TTN: variants seen among roughly 807,000 people sequenced by gnomAD.
The protein encoded by TTN is connectin.
A neutral mutation model predicts 3,223.0 loss-of-function variants in TTN; 1,525 were observed. The ratio of observed to expected loss-of-function variants is 0.47; its 90% confidence interval spans 0.45 to 0.49. The LOEUF (loss-of-function observed/expected upper bound fraction) is 0.49, where lower values mean the gene tolerates loss of function less well. Ranked by LOEUF, TTN falls within the 20% of genes least tolerant of loss-of-function variation. The pLI is 0.00. For missense variants in TTN, 40,786 were observed against 43,424.0 expected (o/e 0.94, Z 5.40); for synonymous variants, 14,094 against 15,161.0 (o/e 0.93, Z 5.17).
chr2:178,679,461 A>G (rs1373689080), intron 141 of TTN, 45 bp from the exon 142 acceptor site: 6 of 1,601,896 alleles, frequency 3.7e-6, no homozygotes, highest in Non-Finnish European at 5.1e-6. Context: ...ACTAGTAACA[A>G]CACATCCATA....
Position 178,568,373 on chromosome 2 carries a change from C to T in TTN, c.77759G>A (p.Gly25920Asp). ...LSWNPPLYTG[G>D]CQITNYIVQK... ...AACAATGTAGTTGGTGATTTGGCAG[C>T]CCCCTGTATATAATGGAGGGTTCCA... Residue 25920 changes from glycine to aspartate, a missense_variant, in exon 326 of 363, where the codon GGC becomes GAC. Transcript: ENST00000589042. The T allele has an allele frequency of 6.2e-7, 1 of 1,613,250 alleles. No individual in the cohort carries two copies. The highest frequency in any genetic ancestry group is 8.5e-7 in the Non-Finnish European group (1 of 1,179,538).
chr2:178,778,638 G>C, intron 24 of TTN: 1 of 556,320 alleles, frequency 1.8e-6, no homozygotes, highest in South Asian at 2.1e-5. Flanking sequence ...AAGAGCTATT[G>C]TGATATTAGC....
chr2:178,556,259 G>A lies in TTN; in HGVS notation c.88306+589C>T, dbSNP rs139025543. On this transcript the variant is annotated intron_variant, in intron 330 of 362. Coordinates refer to ENST00000589042, the MANE Select transcript of TTN (RefSeq NM_001267550.2). ...TGCCTGGCCAACATGGTGAAACTCC[G>A]TCCCTACTAAAAATACAAAAAATTA... The A allele has an allele frequency of 1.8e-3, 280 of 154,786 alleles. 5 individuals are homozygous for A. The South Asian group carries it at 0.024, about 13-fold the overall frequency. 9.6% of individuals were successfully genotyped at this position (154,786 alleles called of 1,614,324 possible).
intron 65 of TTN, 38 bp from the exon 66 acceptor site, chr2:178,728,816 T>C (rs2079838511): frequency 3.2e-6 from 5 of 1,580,282 alleles, no homozygotes; most frequent in African/African-American, 1.4e-5. Context: ...GTTACATTGG[T>C]AACTCCACTA....
intron 209 of TTN, 146 bp downstream of exon 209, chr2:178,650,605 G>A: frequency 2.4e-6 from 2 of 843,844 alleles, no homozygotes; most frequent in East Asian, 2.7e-5. Flanking sequence ...TTTGAGATTG[G>A]AGCTAATTTA....
intron 6 of TTN, among the ~76,000 whole-genome samples, chr2:178,796,227 A>T (rs77903023): frequency 0.045 from 6,882 of 152,260 alleles, 289 homozygotes; most frequent in Admixed American, 0.14. Flanking sequence ...GAACTGATTT[A>T]ATTCTTAATA....
chr2:178,565,848 C>T lies in TTN; in HGVS notation c.80284G>A (p.Glu26762Lys). 1 of 1,613,652 alleles carries T rather than the reference C, an allele frequency of 6.2e-7. No individual in the cohort carries two copies. Among genetic ancestry groups the T allele is most frequent in the Non-Finnish European group, 8.5e-7 (1 of 1,179,650 alleles). ...IYYFRVMAEN[E>K]FGVGVPVETV... ...TCCACTGGAACACCAACTCCAAATT[C>T]ATTTTCAGCCATGACTCTGAAGTAA... Residue 26762 changes from glutamate to lysine, a missense_variant, in exon 326 of 363, where the codon GAA becomes AAA. Physicochemically the swap from Glu to Lys is moderately conservative, Grantham distance 56. Transcript: ENST00000589042.
Position 178,601,305 on chromosome 2 carries a change from A to T in TTN, c.55692T>A (p.Pro18564=), listed in dbSNP as rs200864020. ...CAGTGGTCCTCTGAATGGTTTCCACAGGTGGGCCAATACCAAAACGGTTTT... is the reference window on the plus strand; with the variant it reads ...CAGTGGTCCTCTGAATGGTTTCCACTGGTGGGCCAATACCAAAACGGTTTT... The part of the protein sequence containing the change: ...RAENRFGIGP[P]VETIQRTTAR... Residue 18564 remains proline (P), a synonymous_variant, in exon 287 of 363, where the codon CCT becomes CCA. Coordinates refer to ENST00000589042, the MANE Select transcript of TTN (RefSeq NM_001267550.2). 9.4e-6 allele frequency: 15 copies of T among 1,595,938 alleles called. No individual in the cohort carries two copies. Among genetic ancestry groups the T allele is most frequent in the Non-Finnish European group, 1.7e-6 (2 of 1,170,016 alleles).
At position 178,563,205 on chromosome 2, in the gene TTN, T is replaced by C. The variant is rs1457183253; in HGVS notation, c.82927A>G (p.Asn27643Asp). Residue 27643 changes from asparagine to aspartate, a missense_variant, in exon 326 of 363, where the codon AAC becomes GAC. Transcript: ENST00000589042. This position sits in a 1 kb window ranked among gnomAD's most constrained non-coding sequence, Gnocchi z 4.5. ...VTKLKENTEY[N>D]FRICAINSEG... ...GAATTGATGGCACAAATACGGAAGT[T>C]ATATTCAGTGTTTTCTTTAAGCTTG... 3.7e-6 allele frequency: 6 copies of C among 1,613,754 alleles called. No homozygotes were observed. In the South Asian group the frequency reaches 6.6e-5, roughly 18 times the overall value.
At chr2:178,709,513 A>G (rs899884428) in intron 99 of TTN, 53 bp downstream of exon 99, 1 of 1,548,906 alleles carries the variant, frequency 6.5e-7, no homozygotes, top group African/African-American at 1.4e-5. Flanking sequence ...TCATGGATAT[A>G]TAACAGGCAG....
In TTN at chr2:178,530,405, C is replaced by A. The variant is rs752846394; in HGVS notation, c.106210G>T (p.Val35404Leu). ...KSDQKTTEST[V>L]TRKTEPKAPE... ...GCTTTTGGTTCAGTTTTTCTGGTTACTGTTGACTCAGTGGTTTTCTGATCT... is the reference window on the plus strand; with the variant it reads ...GCTTTTGGTTCAGTTTTTCTGGTTAATGTTGACTCAGTGGTTTTCTGATCT... Residue 35404 changes from valine to leucine, a missense_variant, in exon 358 of 363, where the codon GTA (valine) becomes TTA (leucine). Val to Leu is a conservative substitution (Grantham distance 32). Transcript: ENST00000589042. 6.2e-7 allele frequency: 1 copy of A among 1,613,930 alleles called. No homozygotes were observed. The highest frequency in any genetic ancestry group is 1.1e-5 in the South Asian group (1 of 91,076).
rs768606900 is a variant in TTN at position 178,571,889 on chromosome 2, G to A, written c.74243C>T (p.Thr24748Ile). ...CAGTGGTACATTATCTTTATGCCAG[G>A]TTACAGCTGGGGTAGGGCGGCCAAT... ...PFIGRPTPAVTWHKDNVPLKQ... is the reference protein window; with the variant it reads ...PFIGRPTPAVIWHKDNVPLKQ... Residue 24748 changes from threonine to isoleucine, a missense_variant, in exon 326 of 363, where the codon ACC (threonine) becomes ATC (isoleucine). Thr to Ile is a moderately conservative substitution (Grantham distance 89). Coordinates refer to ENST00000589042, the MANE Select transcript of TTN (RefSeq NM_001267550.2). 5.6e-6 allele frequency: 9 copies of A among 1,613,264 alleles called. No individual in the cohort carries two copies. Among genetic ancestry groups the A allele is most frequent in the Non-Finnish European group, 7.6e-6 (9 of 1,179,588 alleles).
At chr2:178,626,136 C>A (rs73038308) in intron 240 of TTN, among the ~76,000 whole-genome samples, 2,516 of 152,020 alleles carry the variant, frequency 0.017, 75 homozygotes, top group African/African-American at 0.056. Flanking sequence ...TAAAAGTAAA[C>A]CTTATGTTCT....
Position 178,563,259 on chromosome 2 carries a change from C to T in TTN, c.82873G>A (p.Gly27625Arg). The change falls in exon 326 of 363, where the codon GGA becomes AGA. Residue 27625 changes from glycine to arginine, a missense_variant. Coordinates refer to ENST00000589042, the MANE Select transcript of TTN (RefSeq NM_001267550.2). The surrounding 1 kb of genome is among the most constrained non-coding windows in gnomAD (Gnocchi z 4.5). ...ACTGTGAACTGCTTTCCTTGTAATCCTGTTGGTGGAGTGCAGGTTGTCCAT... is the reference window on the plus strand; with the variant it reads ...ACTGTGAACTGCTTTCCTTGTAATCTTGTTGGTGGAGTGCAGGTTGTCCAT... ...DEWTTCTPPT[G>R]LQGKQFTVTK... The T allele has an allele frequency of 6.2e-7, 1 of 1,613,650 alleles. No homozygotes were observed. The highest frequency in any genetic ancestry group is 8.5e-7 in the Non-Finnish European group (1 of 1,179,702).
Position 178,592,471 on chromosome 2 carries a change from C to T in TTN, c.59534G>A (p.Arg19845His), listed in dbSNP as rs201457934. The change falls in exon 301 of 363, where the codon CGT (arginine) becomes CAT (histidine). Residue 19845 changes from arginine to histidine, a missense_variant. Physicochemically the swap from Arg to His is conservative, Grantham distance 29 (BLOSUM62 0). Coordinates refer to ENST00000589042, the MANE Select transcript of TTN (RefSeq NM_001267550.2). ...TCCACCATCTTCATGGGCAGCATTACGAATTTCAAGCTTGCTACCAACTGG... is the reference window on the plus strand; with the variant it reads ...TCCACCATCTTCATGGGCAGCATTATGAATTTCAAGCTTGCTACCAACTGG... ...VTPVGSKLEI[R>H]NAAHEDGGIY... The T allele has an allele frequency of 4.5e-5, 72 of 1,613,404 alleles. No individual in the cohort carries two copies. Among genetic ancestry groups the T allele is most frequent in the East Asian group, 6.7e-5 (3 of 44,796 alleles).
chr2:178,599,025 G>C lies in TTN; in HGVS notation c.56685C>G (p.Ser18895Arg). 6.3e-7 allele frequency: 1 copy of C among 1,590,468 alleles called. No homozygotes were observed. The highest frequency in any genetic ancestry group is 8.6e-7 in the Non-Finnish European group (1 of 1,167,758). The part of the protein sequence containing the change: ...PGAPDKPTVS[S>R]VTRNSMTVNW... Reference sequence around the variant, plus strand: ...TGACAGTCATGGAGTTACGAGTCACGCTGCTAACTGTTGGTTTATCTGGTG... The same window carrying C: ...TGACAGTCATGGAGTTACGAGTCACCCTGCTAACTGTTGGTTTATCTGGTG... Residue 18895 changes from serine to arginine, a missense_variant, in exon 291 of 363, where the codon AGC becomes AGG. By Grantham distance (110) the Ser-to-Arg change is moderately radical (BLOSUM62 -1). Transcript: ENST00000589042.
intron 123 of TTN, 47 bp downstream of exon 123, chr2:178,689,468 G>T: frequency 1.2e-6 from 2 of 1,601,598 alleles, no homozygotes; most frequent in Non-Finnish European, 1.7e-6. Flanking sequence ...CAATTAAAGA[G>T]GCTTGAAGGA....
chr2:178,631,146 C>G lies in TTN; in HGVS notation c.43902G>C (p.Lys14634Asn), dbSNP rs763794623. The change falls in exon 237 of 363, where the codon AAG becomes AAC. Residue 14634 changes from lysine (K) to asparagine (N), a missense_variant. Coordinates refer to ENST00000589042, the MANE Select transcript of TTN (RefSeq NM_001267550.2). ...EIKPSKNAVI[K>N]ADGKKRMLIL... ...TTAGCATGCGTTTCTTGCCATCTGC[C>G]TTAATAACAGCATTTTTGGATGGCT... 3 of 1,613,306 alleles carry G rather than the reference C, an allele frequency of 1.9e-6. No homozygotes were observed. Among genetic ancestry groups the G allele is most frequent in the Non-Finnish European group, 2.5e-6 (3 of 1,179,574 alleles).
Position 178,774,922 on chromosome 2 carries a change from T to G in TTN, c.6789A>C (p.Glu2263Asp). The change falls in exon 29 of 363, where the codon GAA becomes GAC. Residue 2263 changes from glutamate (E) to aspartate (D), a missense_variant and splice_region_variant. Glu to Asp is a conservative substitution (Grantham distance 45). Coordinates refer to ENST00000589042, the MANE Select transcript of TTN (RefSeq NM_001267550.2). Reference protein sequence around the residue: ...NVKTTAKLIVEGAVVEFVKEL... With the variant: ...NVKTTAKLIVDGAVVEFVKEL... ...ATGAAATCCTTCGTTGTTGAATACC[T>G]TCAACAATAAGTTTAGCAGTCGTTT... is the stretch of plus-strand genomic sequence containing the variant. The G allele has an allele frequency of 6.2e-7, 1 of 1,613,612 alleles. No individual in the cohort carries two copies. Among genetic ancestry groups the G allele is most frequent in the Non-Finnish European group, 8.5e-7 (1 of 1,179,826 alleles).
Sources: gnomAD v4.1 joint callset for allele counts (sites outside exome capture counted in the v4.1 genomes callset) on GRCh38, gnomAD v4.1.1 for gene constraint, Gnocchi (gnomAD v3.1) non-coding constraint, MANE v1.5 for transcripts, NCBI Gene and HGNC (gene_info 2026-07-23, HGNC 2026-07-21) for gene names.